Variants in KPNA4 observed in about 807,000 individuals in gnomAD.
The protein encoded by KPNA4 is karyopherin subunit alpha 4, also known as importin subunit alpha-3.
A neutral mutation model predicts 71.3 loss-of-function variants in KPNA4; 13 were observed. The observed-to-expected ratio is 0.18, with a 90% CI of 0.12 to 0.29. KPNA4 has a LOEUF of 0.29. KPNA4 is among the 10% of genes least tolerant of loss of function. The pLI is 1.00. For missense variants in KPNA4, 334 were observed against 603.2 expected, an observed-to-expected ratio of 0.55 and a Z score of 4.67; for synonymous variants, 189 against 195.2, an observed-to-expected ratio of 0.97 and a Z score of 0.26.
chr3:160,547,103 A>G (rs1251161583), intron 1 of KPNA4, among the ~76,000 whole-genome samples: 3 of 152,252 alleles, frequency 2.0e-5, no homozygotes, highest in Admixed American at 1.3e-4. Context: ...AACCAATTCT[A>G]TAAGATGAAT....
intron 1 of KPNA4, among the ~76,000 whole-genome samples, chr3:160,554,784 A>G (rs568407203): frequency 5.9e-5 from 9 of 152,350 alleles, no homozygotes; most frequent in Admixed American, 3.3e-4. Context: ...TCTGGATAGC[A>G]GAACACATGC....
chr3:160,506,074 G>T (rs908131174), intron 15 of KPNA4, among the ~76,000 whole-genome samples: 2 of 152,146 alleles, frequency 1.3e-5, no homozygotes, highest in East Asian at 1.9e-4. Context: ...TCAAAAACTT[G>T]AAAGTCCATC....
intron 2 of KPNA4, 78 bp downstream of exon 2, chr3:160,536,711 CATAATAT>C: frequency 1.4e-6 from 1 of 698,872 alleles, no homozygotes; most frequent in Non-Finnish European, 2.3e-6. Context: ...TACCTAAAAA[CATAATAT>C]ATATTTGGCA....
intron 1 of KPNA4, among the ~76,000 whole-genome samples, chr3:160,542,543 A>C (rs1721820472): frequency 6.6e-6 from 1 of 152,196 alleles, no homozygotes; most frequent in Non-Finnish European, 1.5e-5. Context: ...TCCTAAGGAT[A>C]AAAACCCATA....
rs1432560626 is a variant in KPNA4 at position 160,500,920 on chromosome 3, A to C, written c.*1184T>G. 1 of 152,630 alleles carries C rather than the reference A, an allele frequency of 6.6e-6. No homozygotes were observed. Among genetic ancestry groups the C allele is most frequent in the Admixed American group, 6.5e-5 (1 of 15,274 alleles). 9.5% of individuals were successfully genotyped at this position (152,630 alleles called of 1,614,324 possible). On this transcript the variant is annotated 3_prime_UTR_variant, in exon 17 of 17. Coordinates refer to ENST00000334256, the MANE Select transcript of KPNA4 (RefSeq NM_002268.5). ...ACAGCACGGTATTCTACCACAACTG[A>C]AACTTTTTTCTTCTTCTTCTTTACA...
In KPNA4 at chr3:160,500,519, A is replaced by G. The variant is rs1480194723; in HGVS notation, c.*1585T>C. 2.0e-5 allele frequency: 3 copies of G among 152,638 alleles called. No homozygotes were observed. Among genetic ancestry groups the G allele is most frequent in the Non-Finnish European group, 4.4e-5 (3 of 68,018 alleles). 9.5% of individuals were successfully genotyped at this position (152,638 alleles called of 1,614,324 possible). A position where few individuals can be genotyped will look rare whatever the true frequency, so the allele number is the denominator to read the frequency against. Reference sequence around the variant, plus strand: ...GATTTCCTACAATGAGCCACCTTATAAAGAGTTCTTTTTGTACAAATTAAT... The same window carrying G: ...GATTTCCTACAATGAGCCACCTTATGAAGAGTTCTTTTTGTACAAATTAAT... On this transcript the variant is annotated 3_prime_UTR_variant, in exon 17 of 17. Coordinates refer to ENST00000334256, the MANE Select transcript of KPNA4 (RefSeq NM_002268.5).
intron 13 of KPNA4, 50 bp downstream of exon 13, chr3:160,514,027 C>A: frequency 9.4e-7 from 1 of 1,068,088 alleles, no homozygotes; most frequent in Non-Finnish European, 1.3e-6. Flanking sequence ...AGATTTAAAT[C>A]CCCTTCCCCT....
At chr3:160,509,029 C>T (rs1348117635) in intron 14 of KPNA4, among the ~76,000 whole-genome samples, 1 of 152,192 alleles carries the variant, frequency 6.6e-6, no homozygotes, top group East Asian at 1.9e-4. Flanking sequence ...CACCAGTCTG[C>T]AGCCTTTTTG....
Position 160,557,468 on chromosome 3 carries a change from T to C in KPNA4, c.69+7746A>G, listed in dbSNP as rs147440503. Among the ~76,000 whole-genome samples, 617 of 152,324 alleles carry C rather than the reference T, an allele frequency of 4.1e-3. 3 individuals carry two copies. Among genetic ancestry groups the C allele is most frequent in the Non-Finnish European group, 6.7e-3 (455 of 68,024 alleles). On this transcript the variant is annotated intron_variant, in intron 1 of 16. Transcript: ENST00000334256. ...TAATATTAGACAATATGTCCATCAC[T>C]GAACTAGTAAAAAACATACTATCTT...
chr3:160,516,104 A>G (rs894955877), intron 11 of KPNA4, among the ~76,000 whole-genome samples: 2 of 152,094 alleles, frequency 1.3e-5, no homozygotes, highest in African/African-American at 4.8e-5. Flanking sequence ...CTCCTGGCTC[A>G]GCCTCCTGAG....
intron 10 of KPNA4, among the ~76,000 whole-genome samples, chr3:160,523,042 TG>T (rs1577052148): frequency 1.3e-5 from 2 of 152,232 alleles, no homozygotes; most frequent in East Asian, 3.8e-4. Context: ...GACAAACAAC[TG>T]TAACTGCTGC....
chr3:160,552,333 T>C (rs1451764), intron 1 of KPNA4, among the ~76,000 whole-genome samples: 67,393 of 151,982 alleles, frequency 0.44, 16,460 homozygotes, highest in Non-Finnish European at 0.55. Flanking sequence ...TGCACTTGTA[T>C]TCCATAAATT....
rs1241175496 is a variant in KPNA4, at chr3:160,498,862, A to C, written c.*3242T>G. The C allele has an allele frequency of 1.3e-5, 2 of 152,200 alleles. No individual in the cohort carries two copies. The highest frequency in any genetic ancestry group is 2.9e-5 in the Non-Finnish European group (2 of 68,030). The allele number at this position is 152,200 out of a possible 1,614,324, so 9.4% of individuals were successfully genotyped here. A position where few individuals can be genotyped will look rare whatever the true frequency, so the allele number is the denominator to read the frequency against. ...ATGTATGTTGTGTTTTAAGACACTA[A>C]ATTTATGGTAATTATACCAAAATTA... On this transcript the variant is annotated 3_prime_UTR_variant, in exon 17 of 17. Coordinates refer to ENST00000334256, the MANE Select transcript of KPNA4 (RefSeq NM_002268.5).
At chr3:160,563,460 G>A (rs564334972) in intron 1 of KPNA4, among the ~76,000 whole-genome samples, 1 of 152,258 alleles carries the variant, frequency 6.6e-6, no homozygotes, top group East Asian at 1.9e-4. Context: ...CTGTGGTGAT[G>A]GTTGCAAAAC....
chr3:160,543,255 G>A (rs1220535044), intron 1 of KPNA4, among the ~76,000 whole-genome samples: 13 of 152,024 alleles, frequency 8.6e-5, no homozygotes, highest in Admixed American at 7.9e-4. Context: ...GAAATCATAG[G>A]CAAGTCACGA....
intron 1 of KPNA4, among the ~76,000 whole-genome samples, chr3:160,558,077 T>C (rs2108561976): frequency 6.6e-6 from 1 of 152,330 alleles, no homozygotes; most frequent in African/African-American, 2.4e-5. Flanking sequence ...ATAGTGTGAA[T>C]TATAGTTGTT....
intron 1 of KPNA4, among the ~76,000 whole-genome samples, chr3:160,555,385 T>C (rs1193634877): frequency 6.6e-6 from 1 of 152,236 alleles, no homozygotes. Flanking sequence ...CATGTGTCAG[T>C]ACAATAGTCA....
At chr3:160,527,739 A>G (rs1390631273) in intron 8 of KPNA4, among the ~76,000 whole-genome samples, 3 of 152,176 alleles carry the variant, frequency 2.0e-5, no homozygotes, top group African/African-American at 7.2e-5. Context: ...TTAAGAGCTA[A>G]CTATATACCA....
chr3:160,508,958 T>G (rs1473383545), intron 14 of KPNA4, among the ~76,000 whole-genome samples: 1 of 152,222 alleles, frequency 6.6e-6, no homozygotes, highest in East Asian at 1.9e-4. Flanking sequence ...TTAGTTATAA[T>G]TTCCATGCAT....
Sources: allele counts gnomAD v4.1 joint callset (sites outside exome capture counted in the v4.1 genomes callset), GRCh38; gene constraint gnomAD v4.1.1; transcripts MANE v1.5; gene names NCBI Gene and HGNC (gene_info 2026-07-23, HGNC 2026-07-21).